The following DAGLA variants were observed in gnomAD, a reference collection of about 807,000 sequenced individuals.
DAGLA encodes diacylglycerol lipase-alpha.
A neutral mutation model predicts 102.6 loss-of-function variants in DAGLA; 22 were observed. The ratio of observed to expected loss-of-function variants is 0.21; its 90% CI spans 0.15 to 0.31. DAGLA has a LOEUF of 0.31. Among genes scored for constraint, DAGLA ranks in the 10% least tolerant of loss-of-function variants. DAGLA has a pLI of 1.00. For synonymous variants in DAGLA, 578 were observed against 628.9 expected (o/e 0.92, Z 1.21); for missense variants, 927 against 1,446.6 (o/e 0.64, Z 5.83).
At chr11:61,739,317 T>G in intron 16 of DAGLA, 148 bp from the exon 17 acceptor site, 1 of 782,118 alleles carries the variant, frequency 1.3e-6, no homozygotes, top group South Asian at 1.7e-5. Flanking sequence ...CGACCTTTAA[T>G]GCTCTGGCCA....
At chr11:61,713,335 C>T (rs2065209400) in intron 1 of DAGLA, among the ~76,000 whole-genome samples, 1 of 152,186 alleles carries the variant, frequency 6.6e-6, no homozygotes, top group African/African-American at 2.4e-5. Context: ...CACTTCAGCT[C>T]ATCTGTCAAA....
intron 1 of DAGLA, among the ~76,000 whole-genome samples, chr11:61,697,608 C>A (rs1244416576): frequency 2.6e-5 from 4 of 152,190 alleles, no homozygotes; most frequent in Non-Finnish European, 5.9e-5. Context: ...CTTCCTCCCT[C>A]AAATGAGCAT....
intron 1 of DAGLA, among the ~76,000 whole-genome samples, chr11:61,718,091 C>A (rs1450306103): frequency 2.0e-5 from 3 of 152,104 alleles, no homozygotes; most frequent in African/African-American, 7.2e-5. Flanking sequence ...CCCAGGGTGA[C>A]TGAGAGGGGC....
intron 1 of DAGLA, among the ~76,000 whole-genome samples, chr11:61,681,946 T>C (rs1171119013): frequency 6.6e-6 from 1 of 152,126 alleles, no homozygotes; most frequent in Non-Finnish European, 1.5e-5. Flanking sequence ...TCTTTGTGGA[T>C]CTCTTGGGGG....
intron 1 of DAGLA, among the ~76,000 whole-genome samples, chr11:61,716,201 G>T (rs2065234752): frequency 6.6e-6 from 1 of 152,112 alleles, no homozygotes. Flanking sequence ...CCTGGCCCCG[G>T]GGACTGTTGA....
intron 1 of DAGLA, among the ~76,000 whole-genome samples, chr11:61,719,325 TG>T (rs1447585683): frequency 1.3e-5 from 2 of 151,574 alleles, no homozygotes; most frequent in African/African-American, 4.9e-5. Flanking sequence ...CCAGGAGGGG[TG>T]TGACCCTGCA....
At chr11:61,739,745 A>G in intron 17 of DAGLA, 84 bp downstream of exon 17, 1 of 1,377,532 alleles carries the variant, frequency 7.3e-7, no homozygotes, top group Non-Finnish European at 9.9e-7. Context: ...TGGCTCAATC[A>G]CCGCTCGGGG....
At chr11:61,740,627 T>C in intron 18 of DAGLA, 35 bp downstream of exon 18, 1 of 1,606,970 alleles carries the variant, frequency 6.2e-7, no homozygotes, top group African/African-American at 1.3e-5. Flanking sequence ...CACCAGGGAA[T>C]AAGGCACTGT....
At chr11:61,739,691 G>A (rs754914470) in intron 17 of DAGLA, 30 bp downstream of exon 17, 7 of 1,606,156 alleles carry the variant, frequency 4.4e-6, no homozygotes, top group Non-Finnish European at 5.9e-6. Flanking sequence ...GCTGCTGCAG[G>A]GGGTAGTGGC....
Position 61,744,013 on chromosome 11 carries a change from G to C in DAGLA, c.2653G>C (p.Gly885Arg), listed in dbSNP as rs1036954787. 10 of 1,611,880 alleles carry C rather than the reference G, an allele frequency of 6.2e-6. No individual in the cohort carries two copies. Among genetic ancestry groups the C allele is most frequent in the South Asian group, 2.2e-5 (2 of 91,036 alleles). The change falls in exon 20 of 20, where the codon GGG (glycine) becomes CGG (arginine). Residue 885 changes from glycine to arginine, a missense_variant. Gly to Arg is a moderately radical substitution (Grantham distance 125). This residue lies in a region of DAGLA where 434 missense variants were observed against 503.3 expected (regional missense o/e 0.86). Coordinates refer to ENST00000257215, the MANE Select transcript of DAGLA (RefSeq NM_006133.3). ...TGACGAGGAGGAAGAGGTTGGCGGT[G>C]GGGGTGGCGGGCCGGCCTCCCGCGG... is the stretch of plus-strand genomic sequence containing the variant. ...ANDEEEEVGG[G>R]GGGPASRGEL...
At position 61,686,042 on chromosome 11, in the gene DAGLA, C is replaced by T. The variant is rs989668651; in HGVS notation, c.-45+5538C>T. On this transcript the variant is annotated intron_variant, in intron 1 of 19. Coordinates refer to ENST00000257215, the MANE Select transcript of DAGLA (RefSeq NM_006133.3). The surrounding 1 kb of genome is among the most constrained non-coding windows in gnomAD (Gnocchi z 5.2). ...GGGTTTGGAGGCTGGTGCCACCCAC[C>T]AGGAAGAGTGGTATGGCAGCAGGGT... is the stretch of plus-strand genomic sequence containing the variant. 2.6e-5 allele frequency among the ~76,000 whole-genome samples: 4 copies of T among 152,070 alleles called. No homozygotes were observed. The highest frequency in any genetic ancestry group is 1.3e-4 in the Admixed American group (2 of 15,270).
At chr11:61,729,811 G>A (rs1247729082) in intron 8 of DAGLA, among the ~76,000 whole-genome samples, 2 of 152,068 alleles carry the variant, frequency 1.3e-5, no homozygotes, top group Non-Finnish European at 2.9e-5. Flanking sequence ...GCTGCCTTGT[G>A]CCTGCAATCC....
chr11:61,703,675 A>AG (rs1565250378), intron 1 of DAGLA, among the ~76,000 whole-genome samples: 29 of 124,490 alleles, frequency 2.3e-4, no homozygotes, highest in African/African-American at 8.1e-4. Flanking sequence ...TGGAGGATGG[A>AG]GGAATGGATG....
At chr11:61,737,364 G>C in intron 14 of DAGLA, 40 bp downstream of exon 14, 2 of 1,604,724 alleles carry the variant, frequency 1.2e-6, no homozygotes, top group Non-Finnish European at 1.7e-6. Flanking sequence ...GGGGCAGTTG[G>C]GACCAGTGGA....
chr11:61,716,943 G>A (rs1376741767), intron 1 of DAGLA, among the ~76,000 whole-genome samples: 1 of 152,094 alleles, frequency 6.6e-6, no homozygotes, highest in Admixed American at 6.5e-5. Flanking sequence ...ACTTGCCTGT[G>A]CTGGGGGTCC....
At chr11:61,720,646 C>G (rs757905424) in intron 2 of DAGLA, 33 bp from the exon 3 acceptor site, 4 of 1,607,248 alleles carry the variant, frequency 2.5e-6, no homozygotes, top group Non-Finnish European at 2.6e-6. Context: ...CAGGGGCCAC[C>G]TGGCCTTGCT....
chr11:61,733,298 C>T (rs185389515), intron 9 of DAGLA, among the ~76,000 whole-genome samples: 25 of 152,306 alleles, frequency 1.6e-4, no homozygotes, highest in African/African-American at 5.8e-4. Context: ...GAACAGCTGC[C>T]GAGCACAGGA....
chr11:61,712,277 G>A (rs912889384), intron 1 of DAGLA, among the ~76,000 whole-genome samples: 1 of 152,178 alleles, frequency 6.6e-6, no homozygotes, highest in South Asian at 2.1e-4. Context: ...TCAGTTTCCC[G>A]ATCCATGACA....
chr11:61,739,535 C>A lies in DAGLA; in HGVS notation c.1727C>A (p.Thr576Asn). 1 of 1,614,180 alleles carries A rather than the reference C, an allele frequency of 6.2e-7. No homozygotes were observed. The highest frequency in any genetic ancestry group is 1.1e-5 in the South Asian group (1 of 91,090). ...CTGCCTGAGGAGGTAGAGGTGACCA[C>A]CCTGGCCAGCACGCGGCTCTGGACC... ...SELPEEVEVT[T>N]LASTRLWTHP... The change falls in exon 17 of 20, where the codon ACC (threonine) becomes AAC (asparagine). Residue 576 changes from threonine to asparagine, a missense_variant. Thr to Asn is a moderately conservative substitution (Grantham distance 65). Coordinates refer to ENST00000257215, the MANE Select transcript of DAGLA (RefSeq NM_006133.3).
Sources: gnomAD v4.1 joint callset for allele counts (sites outside exome capture counted in the v4.1 genomes callset) on GRCh38, gnomAD v4.1.1 for gene constraint, gnomAD v4.1.1 regional missense constraint, Gnocchi (gnomAD v3.1) non-coding constraint, MANE v1.5 for transcripts, NCBI Gene and HGNC (gene_info 2026-07-23, HGNC 2026-07-21) for gene names.